The following LAMA1 variants were observed in gnomAD, a reference collection of about 807,000 sequenced individuals.
LAMA1 encodes the protein laminin subunit alpha 1.
A neutral mutation model predicts 348.7 loss-of-function variants in LAMA1; 219 were observed. That is an observed-to-expected ratio of 0.63 (90% confidence interval 0.56 to 0.70). The LOEUF is 0.70. Ranked by LOEUF, LAMA1 falls within the 30% of genes least tolerant of loss-of-function variation. The pLI, the probability that LAMA1 is intolerant of heterozygous loss-of-function variation, is 0.00. For synonymous variants in LAMA1, 1,487 were observed against 1,491.0 expected, an observed-to-expected ratio of 1.00 and a Z score of 0.06; for missense variants, 3,744 against 3,888.0, an observed-to-expected ratio of 0.96 and a Z score of 0.99.
At chr18:7,079,091 T>G (rs997259319) in intron 3 of LAMA1, among the ~76,000 whole-genome samples, 1 of 152,214 alleles carries the variant, frequency 6.6e-6, no homozygotes, top group African/African-American at 2.4e-5. Context: ...ATAATTCCTA[T>G]TTAAATCCTA....
At chr18:7,003,375 C>T (rs925540721) in intron 29 of LAMA1, among the ~76,000 whole-genome samples, 5 of 151,882 alleles carry the variant, frequency 3.3e-5, no homozygotes, top group African/African-American at 7.3e-5. Flanking sequence ...CTCAGCCTCC[C>T]GAGTAGCCGG....
Position 7,010,352 on chromosome 18 carries a change from C to T in LAMA1, c.3721G>A (p.Val1241Met), listed in dbSNP as rs763867369. 13 of 1,613,980 alleles carry T rather than the reference C, an allele frequency of 8.1e-6. No homozygotes were observed. Among genetic ancestry groups the T allele is most frequent in the Middle Eastern group, 1.6e-4 (1 of 6,082 alleles). ...ACGCCATCCAAAGAATAGAAGGCCA[C>T]GCTGTACTTCAGTTTGCCACCATAG... ...MAYGGKLKYS[V>M]AFYSLDGVGT... The change falls in exon 26 of 63, where the codon GTG becomes ATG. Residue 1241 changes from valine to methionine, a missense_variant. Val to Met is a conservative substitution (Grantham distance 21, BLOSUM62 1). Around this residue, in one of 3 missense-constraint regions of LAMA1, gnomAD observed 1,529 missense variants for 1,689.4 expected, o/e 0.91. Coordinates refer to ENST00000389658, the MANE Select transcript of LAMA1 (RefSeq NM_005559.4).
At chr18:7,099,507 C>T (rs2058282722) in intron 1 of LAMA1, among the ~76,000 whole-genome samples, 1 of 146,342 alleles carries the variant, frequency 6.8e-6, no homozygotes, top group Non-Finnish European at 1.5e-5. Context: ...AAAAAATGAA[C>T]TTACACCCTG....
chr18:7,016,605 C>A lies in LAMA1; in HGVS notation c.2875G>T (p.Val959Leu). 1.2e-6 allele frequency: 2 copies of A among 1,614,162 alleles called. No individual in the cohort carries two copies. The highest frequency in any genetic ancestry group is 1.7e-6 in the Non-Finnish European group (2 of 1,180,042). Reference protein sequence around the residue: ...RPCNCSVAGSVSDGCTDEGQC... With the variant: ...RPCNCSVAGSLSDGCTDEGQC... Reference sequence around the variant, plus strand: ...CCTTCATCCGTGCAGCCATCTGACACGGAGCCTGCCACGCTGCAGTTGCAG... The same window carrying A: ...CCTTCATCCGTGCAGCCATCTGACAAGGAGCCTGCCACGCTGCAGTTGCAG... The change falls in exon 21 of 63, where the codon GTG (valine) becomes TTG (leucine). Residue 959 changes from valine to leucine, a missense_variant. This residue lies in a region of LAMA1 where 1,529 missense variants were observed against 1,689.4 expected (regional missense o/e 0.91). Transcript: ENST00000389658.
chr18:6,949,314 C>A (rs1312650122), intron 58 of LAMA1, 55 bp from the exon 59 acceptor site: 1 of 1,544,758 alleles, frequency 6.5e-7, no homozygotes, highest in Non-Finnish European at 8.9e-7. Flanking sequence ...AAACTTTTAA[C>A]AGATGTATAA....
At chr18:7,001,014 T>C (rs187857744) in intron 30 of LAMA1, among the ~76,000 whole-genome samples, 1 of 152,318 alleles carries the variant, frequency 6.6e-6, no homozygotes, top group Admixed American at 6.5e-5. Flanking sequence ...CTTTTTATGA[T>C]TGCAGAAGTA....
At chr18:7,058,515 T>A (rs956653680) in intron 3 of LAMA1, among the ~76,000 whole-genome samples, 5 of 152,216 alleles carry the variant, frequency 3.3e-5, no homozygotes, top group African/African-American at 1.2e-4. Flanking sequence ...AGAATATGGC[T>A]GTATCTGGCG....
At chr18:6,982,866 C>T (rs1299957714) in intron 40 of LAMA1, among the ~76,000 whole-genome samples, 1 of 152,112 alleles carries the variant, frequency 6.6e-6, no homozygotes, top group Non-Finnish European at 1.5e-5. Flanking sequence ...TCATTTTTAG[C>T]GCAAGGAAAT....
intron 19 of LAMA1, among the ~76,000 whole-genome samples, chr18:7,021,994 T>A (rs8089800): frequency 0.3 from 45,384 of 151,390 alleles, 7,072 homozygotes; most frequent in Middle Eastern, 0.37. Flanking sequence ...CATATAATTA[T>A]GTCTATTTTA....
At chr18:6,992,917 A>G (rs572180993) in intron 35 of LAMA1, among the ~76,000 whole-genome samples, 197 bp from the exon 36 acceptor site, 1 of 152,232 alleles carries the variant, frequency 6.6e-6, no homozygotes, top group Non-Finnish European at 1.5e-5. Context: ...ACTTGGGATT[A>G]CTGGTCTATT....
At chr18:7,111,234 C>G (rs553203488) in intron 1 of LAMA1, among the ~76,000 whole-genome samples, 16 of 152,098 alleles carry the variant, frequency 1.1e-4, no homozygotes, top group Non-Finnish European at 5.9e-5. Context: ...AAAATGTGCA[C>G]GCACACTGAA....
chr18:7,049,159 T>C lies in LAMA1; in HGVS notation c.687A>G (p.Gln229=). 6.2e-7 allele frequency: 1 copy of C among 1,614,108 alleles called. No individual in the cohort carries two copies. Among genetic ancestry groups the C allele is most frequent in the East Asian group, 2.2e-5 (1 of 44,884 alleles). ...TSARYIRLRL[Q]RIRTLNADLM... is the part of the protein sequence containing the mutation. The stretch of plus-strand genomic sequence containing the variant: ...GATCTGCATTGAGCGTTCTAATGCG[T>C]TGCAAGCGAAGGCGAATATATCGTG... The change falls in exon 5 of 63, where the codon CAA becomes CAG. Residue 229 remains glutamine (Q), a synonymous_variant. Transcript: ENST00000389658.
intron 41 of LAMA1, among the ~76,000 whole-genome samples, chr18:6,981,218 T>C (rs924831568): frequency 3.9e-5 from 6 of 152,240 alleles, no homozygotes; most frequent in African/African-American, 1.4e-4. Context: ...CCAATTTTAC[T>C]AGAGCTCAAG....
chr18:6,964,634 G>A (rs778368186), intron 51 of LAMA1, 28 bp downstream of exon 51: 55 of 1,613,480 alleles, frequency 3.4e-5, no homozygotes, highest in East Asian at 4.5e-5. Context: ...GGAAATCAGC[G>A]ACATGAAAAT....
chr18:7,019,547 G>A lies in LAMA1; in HGVS notation c.2702-2163C>T, dbSNP rs189417411. Among the ~76,000 whole-genome samples the A allele has an allele frequency of 9.2e-5, 14 of 152,150 alleles. No homozygotes were observed. In the South Asian group the frequency reaches 2.3e-3, roughly 25 times the overall value. ...CTTTGTACTTTCACCACAAACCAAG[G>A]AGGGAGGCGAAATAATGTTCTCTAT... On this transcript the variant is annotated intron_variant, in intron 19 of 62. Transcript: ENST00000389658.
Position 7,010,186 on chromosome 18 carries a change from G to T in LAMA1, c.3873+14C>A, listed in dbSNP as rs757225245. On this transcript the variant is annotated intron_variant, in intron 26 of 62. Transcript: ENST00000389658. ...TGTCTTTAAGGAACTTCTATGAAAAGATCCCATTATCACCTCTCTCATTGC... is the reference window on the plus strand; with the variant it reads ...TGTCTTTAAGGAACTTCTATGAAAATATCCCATTATCACCTCTCTCATTGC... 1 of 1,613,630 alleles carries T rather than the reference G, an allele frequency of 6.2e-7. No individual in the cohort carries two copies. Among genetic ancestry groups the T allele is most frequent in the South Asian group, 1.1e-5 (1 of 91,068 alleles).
Position 7,002,297 on chromosome 18 carries a change from G to A in LAMA1, c.4349C>T (p.Ala1450Val). The change falls in exon 30 of 63, where the codon GCT (alanine) becomes GTT (valine). Residue 1450 changes from alanine (A) to valine (V), a missense_variant. By Grantham distance (64) the Ala-to-Val change is moderately conservative. Transcript: ENST00000389658. ...GKVTGSASDC[A>V]LCACPHSPPA... ...AGGGCTGTGAGGACAGGCACACAGA[G>A]CACAGTCACTTGCTGAGCCAGTCAC... is the stretch of plus-strand genomic sequence containing the variant. 6.2e-7 allele frequency: 1 copy of A among 1,613,186 alleles called. No individual in the cohort carries two copies. The highest frequency in any genetic ancestry group is 8.5e-7 in the Non-Finnish European group (1 of 1,179,982).
intron 11 of LAMA1, chr18:7,038,514 G>T (rs1324217588): frequency 2.2e-6 from 1 of 445,316 alleles, no homozygotes; most frequent in African/African-American, 2.0e-5. Flanking sequence ...CGGGCGGAGG[G>T]AGAGCCGACC....
intron 42 of LAMA1, among the ~76,000 whole-genome samples, chr18:6,979,272 G>C (rs575571088): frequency 6.6e-6 from 1 of 152,288 alleles, no homozygotes; most frequent in Admixed American, 6.5e-5. Flanking sequence ...AGCATGCCCA[G>C]TTTCCCCAGG....
Sources: allele counts gnomAD v4.1 joint callset (sites outside exome capture counted in the v4.1 genomes callset), GRCh38; gene constraint gnomAD v4.1.1; regional missense constraint gnomAD v4.1.1; transcripts MANE v1.5; gene names NCBI Gene and HGNC (gene_info 2026-07-23, HGNC 2026-07-21).